DENND1A: variants seen among roughly 807,000 people sequenced by gnomAD.
DENND1A encodes DENN domain containing 1A.
In DENND1A, 51 loss-of-function variants were observed where a neutral mutation model predicts 113.7. The ratio of observed to expected loss-of-function variants is 0.45; its 90% CI spans 0.36 to 0.57. DENND1A has a LOEUF of 0.57. DENND1A is among the 20% of genes least tolerant of loss of function. The pLI is 0.00. For synonymous variants in DENND1A, 565 were observed against 570.8 expected (o/e 0.99, Z 0.14); for missense variants, 1,258 against 1,395.9 (o/e 0.90, Z 1.57).
chr9:123,605,595 A>C (rs1016748557), intron 11 of DENND1A, among the ~76,000 whole-genome samples: 1 of 152,214 alleles, frequency 6.6e-6, no homozygotes, highest in African/African-American at 2.4e-5. Context: ...GAGAAACTAT[A>C]AACAGGCAGA....
intron 5 of DENND1A, among the ~76,000 whole-genome samples, chr9:123,677,011 C>T (rs1415078419): frequency 6.6e-6 from 1 of 152,212 alleles, no homozygotes; most frequent in African/African-American, 2.4e-5. Context: ...ATAAATTATT[C>T]CCATGCCTCA....
At chr9:123,909,506 A>C (rs1853572850) in intron 1 of DENND1A, among the ~76,000 whole-genome samples, 1 of 151,944 alleles carries the variant, frequency 6.6e-6, no homozygotes, top group South Asian at 2.1e-4. Flanking sequence ...CATGACAAAA[A>C]CTCTCAGCAA....
intron 5 of DENND1A, among the ~76,000 whole-genome samples, chr9:123,696,591 T>G (rs1310432802): frequency 6.6e-6 from 1 of 152,004 alleles, no homozygotes; most frequent in Non-Finnish European, 1.5e-5. Flanking sequence ...AAACCAAAAT[T>G]TAACATCCCT....
intron 2 of DENND1A, among the ~76,000 whole-genome samples, chr9:123,830,406 G>T: frequency 6.6e-6 from 1 of 151,522 alleles, no homozygotes; most frequent in Non-Finnish European, 1.5e-5. Flanking sequence ...CTTGACTGAG[G>T]TGTTAATTAC....
intron 12 of DENND1A, among the ~76,000 whole-genome samples, chr9:123,579,165 C>T (rs1408833862): frequency 6.6e-6 from 1 of 152,054 alleles, no homozygotes; most frequent in Non-Finnish European, 1.5e-5. Context: ...CAGCTACTGT[C>T]GATTGTGCTG....
At chr9:123,864,000 A>AC (rs1408089443) in intron 2 of DENND1A, among the ~76,000 whole-genome samples, 2 of 151,896 alleles carry the variant, frequency 1.3e-5, no homozygotes, top group African/African-American at 2.4e-5. Flanking sequence ...AAAAAAAAAA[A>AC]ACACACAGAA....
At chr9:123,639,869 C>T (rs540571243) in intron 9 of DENND1A, among the ~76,000 whole-genome samples, 21 of 151,994 alleles carry the variant, frequency 1.4e-4, no homozygotes, top group Non-Finnish European at 2.8e-4. Flanking sequence ...GAGAACAGTG[C>T]TTCACATATA....
At chr9:123,691,756 A>G (rs2065204998) in intron 5 of DENND1A, among the ~76,000 whole-genome samples, 1 of 152,100 alleles carries the variant, frequency 6.6e-6, no homozygotes, top group Non-Finnish European at 1.5e-5. Context: ...GAAGGAGGAT[A>G]GTCTGGAATC....
At chr9:123,436,586 T>C (rs868090725) in intron 19 of DENND1A, among the ~76,000 whole-genome samples, 19 of 152,216 alleles carry the variant, frequency 1.2e-4, no homozygotes, top group Admixed American at 9.8e-4. Context: ...AAGGCAGGAA[T>C]AGGCATTCTC....
chr9:123,452,232 G>A (rs1228837287), intron 17 of DENND1A, 44 bp downstream of exon 17: 1 of 1,534,758 alleles, frequency 6.5e-7, no homozygotes, highest in Middle Eastern at 1.7e-4. Flanking sequence ...ATCATGCTAA[G>A]GGACTGATCT....
chr9:123,649,145 G>C (rs2062505744), intron 9 of DENND1A, among the ~76,000 whole-genome samples: 1 of 152,138 alleles, frequency 6.6e-6, no homozygotes, highest in South Asian at 2.1e-4. Flanking sequence ...CCCTATGGGG[G>C]TTTTGAATAT....
intron 13 of DENND1A, among the ~76,000 whole-genome samples, chr9:123,547,628 T>G (rs2056787714): frequency 6.6e-6 from 1 of 152,142 alleles, no homozygotes; most frequent in Admixed American, 6.5e-5. Context: ...TGGTGGGCAA[T>G]AAAATGAATA....
chr9:123,790,499 T>C (rs1438114179), intron 3 of DENND1A, among the ~76,000 whole-genome samples: 1 of 152,110 alleles, frequency 6.6e-6, no homozygotes, highest in Non-Finnish European at 1.5e-5. Context: ...ATGAGGACCA[T>C]TCTCCAAATT....
chr9:123,680,004 C>T (rs763885231), intron 5 of DENND1A, among the ~76,000 whole-genome samples: 5 of 152,100 alleles, frequency 3.3e-5, no homozygotes, highest in African/African-American at 4.8e-5. Flanking sequence ...TCCTCCTGCA[C>T]TCAAGAAAGC....
At chr9:123,725,999 T>G (rs1170335603) in intron 5 of DENND1A, among the ~76,000 whole-genome samples, 2 of 152,270 alleles carry the variant, frequency 1.3e-5, no homozygotes, top group East Asian at 3.9e-4. Context: ...CTTAAACCAG[T>G]TTTTAGTAAA....
At chr9:123,495,932 CATATT>C (rs2134099408) in intron 13 of DENND1A, among the ~76,000 whole-genome samples, 1 of 152,360 alleles carries the variant, frequency 6.6e-6, no homozygotes, top group South Asian at 2.1e-4. Context: ...CCGCTCAAAT[CATATT>C]AATGAAATGC....
intron 9 of DENND1A, among the ~76,000 whole-genome samples, chr9:123,633,188 G>T (rs545465335): frequency 6.6e-6 from 1 of 152,032 alleles, no homozygotes; most frequent in Non-Finnish European, 1.5e-5. Context: ...GATTACAGGC[G>T]TGAGCCACTG....
At chr9:123,524,730 A>AG (rs1305869721) in intron 13 of DENND1A, among the ~76,000 whole-genome samples, 1 of 152,218 alleles carries the variant, frequency 6.6e-6, no homozygotes, top group Non-Finnish European at 1.5e-5. Context: ...GGGCAGTAAC[A>AG]GTTGAGGCTG....
intron 19 of DENND1A, among the ~76,000 whole-genome samples, chr9:123,416,985 G>A (rs190065368): frequency 1.3e-5 from 2 of 152,382 alleles, no homozygotes; most frequent in Admixed American, 6.5e-5. Context: ...CCAAGAAATA[G>A]ACTTCGGGTT....
Sources: allele counts gnomAD v4.1 joint callset (sites outside exome capture counted in the v4.1 genomes callset), GRCh38; gene constraint gnomAD v4.1.1; transcripts MANE v1.5; gene names NCBI Gene and HGNC (gene_info 2026-07-23, HGNC 2026-07-21).